Variants in FAM193A observed in about 807,000 individuals in gnomAD.
FAM193A encodes the protein family with sequence similarity 193 member A, also known as protein FAM193A.
FAM193A carries 22 observed loss-of-function variants against 126.5 expected under a neutral mutation model. The observed-to-expected ratio is 0.17, with a 90% CI of 0.12 to 0.25. The LOEUF (loss-of-function observed/expected upper bound fraction) is 0.25. FAM193A is among the 10% of genes least tolerant of loss of function. FAM193A has a pLI of 1.00. For synonymous variants in FAM193A, 761 were observed against 646.8 expected (o/e 1.18, Z -2.68); for missense variants, 1,675 against 1,672.8 (o/e 1.00, Z -0.02).
chr4:2,677,448 T>G (rs1714542556), intron 13 of FAM193A, among the ~76,000 whole-genome samples: 1 of 151,856 alleles, frequency 6.6e-6, no homozygotes, highest in Admixed American at 6.6e-5. Context: ...TTTGTAGAGA[T>G]TGTTTGGGTT....
chr4:2,708,633 T>C (rs941232173), intron 19 of FAM193A, among the ~76,000 whole-genome samples: 2 of 152,002 alleles, frequency 1.3e-5, no homozygotes, highest in Admixed American at 6.6e-5. Context: ...CAGCTAGTTT[T>C]TGTATTTTTG....
At chr4:2,638,086 GT>G (rs1187591565) in intron 5 of FAM193A, among the ~76,000 whole-genome samples, 1 of 152,220 alleles carries the variant, frequency 6.6e-6, no homozygotes, top group African/African-American at 2.4e-5. Context: ...TATCCCAGAG[GT>G]TTCCAAGGGA....
In FAM193A at chr4:2,635,880, ATC is replaced by A. The variant is rs1247655293; in HGVS notation, c.1039-3849_1039-3848del. ...GAGTGGGTCACTCACACCTCTCCAGATCTCTCTGTAAAAGCAGTGGGAGTCTC... is the reference window on the plus strand; with the variant it reads ...GAGTGGGTCACTCACACCTCTCCAGATCTCTGTAAAAGCAGTGGGAGTCTC... On this transcript the variant is annotated intron_variant, in intron 5 of 20. Coordinates refer to ENST00000637812, the MANE Select transcript of FAM193A (RefSeq NM_001366318.2). 1.2e-4 allele frequency among the ~76,000 whole-genome samples: 18 copies of A among 152,234 alleles called. No individual in the cohort carries two copies. The East Asian group carries it at 3.3e-3, about 28-fold the overall frequency.
chr4:2,554,565 A>G (rs374788779), intron 1 of FAM193A, among the ~76,000 whole-genome samples: 10 of 152,290 alleles, frequency 6.6e-5, no homozygotes, highest in East Asian at 3.9e-4. Flanking sequence ...CTGAATGTCA[A>G]TTAGATCCAG....
intron 1 of FAM193A, among the ~76,000 whole-genome samples, chr4:2,582,609 C>T (rs796463054): frequency 3.9e-5 from 6 of 152,122 alleles, no homozygotes; most frequent in Admixed American, 2.6e-4. Context: ...TGTTTTTTAA[C>T]GTTCTCTGTG....
intron 1 of FAM193A, among the ~76,000 whole-genome samples, chr4:2,590,719 T>C (rs1740521655): frequency 6.6e-6 from 1 of 151,568 alleles, no homozygotes; most frequent in African/African-American, 2.4e-5. Context: ...AATGAATATA[T>C]GATAGTCTAT....
At chr4:2,653,975 C>A in intron 7 of FAM193A, among the ~76,000 whole-genome samples, 1 of 152,178 alleles carries the variant, frequency 6.6e-6, no homozygotes, top group East Asian at 1.9e-4. Context: ...CTATGTTCCC[C>A]TGAAGGCTTT....
intron 1 of FAM193A, among the ~76,000 whole-genome samples, chr4:2,559,644 TTTCTC>T (rs1345368815): frequency 6.6e-6 from 1 of 152,162 alleles, no homozygotes; most frequent in Non-Finnish European, 1.5e-5. Context: ...TCTACTGCAT[TTTCTC>T]TTCTCTGTGA....
rs181324448 is a variant in FAM193A at position 2,630,229 on chromosome 4, A to G, written c.804-706A>G. On this transcript the variant is annotated intron_variant, in intron 4 of 20. Coordinates refer to ENST00000637812, the MANE Select transcript of FAM193A (RefSeq NM_001366318.2). ...TGAAATTCATGAAAATGCTCATTGC[A>G]TTTGTGGCTTAGTCATGTTGCATGT... Among the ~76,000 whole-genome samples the G allele has an allele frequency of 2.8e-4, 42 of 151,514 alleles. 1 individual carries two copies. The highest frequency in any genetic ancestry group is 1.0e-3 in the African/African-American group (42 of 41,278).
chr4:2,616,037 G>A (rs941061413), intron 2 of FAM193A, among the ~76,000 whole-genome samples: 2 of 152,068 alleles, frequency 1.3e-5, no homozygotes, highest in African/African-American at 2.4e-5. Flanking sequence ...CTGAGCTTGC[G>A]CAATCCGCCC....
intron 1 of FAM193A, among the ~76,000 whole-genome samples, chr4:2,561,023 C>T (rs1738580094): frequency 6.6e-6 from 1 of 152,228 alleles, no homozygotes; most frequent in Admixed American, 6.5e-5. Context: ...CTGTGCATGG[C>T]ACCATGCCAT....
chr4:2,731,140 G>A (rs1721329468), intron 20 of FAM193A, among the ~76,000 whole-genome samples: 1 of 145,048 alleles, frequency 6.9e-6, no homozygotes, highest in African/African-American at 2.6e-5. Context: ...AGGCTTCAGT[G>A]AGCTGAGATT....
chr4:2,711,408 C>T (rs1248102629), intron 19 of FAM193A, among the ~76,000 whole-genome samples: 2 of 151,226 alleles, frequency 1.3e-5, no homozygotes, highest in African/African-American at 2.4e-5. Flanking sequence ...GGCATGATCT[C>T]GGCTCACTGC....
At chr4:2,546,031 A>C (rs1302971974) in intron 1 of FAM193A, among the ~76,000 whole-genome samples, 5 of 151,988 alleles carry the variant, frequency 3.3e-5, no homozygotes, top group Non-Finnish European at 7.4e-5. Flanking sequence ...GCCTGTAATC[A>C]TAGCTACTCG....
chr4:2,541,632 G>A (rs1445020729), intron 1 of FAM193A, among the ~76,000 whole-genome samples: 1 of 151,576 alleles, frequency 6.6e-6, no homozygotes, highest in Non-Finnish European at 1.5e-5. Context: ...TTTTAGTAGA[G>A]ACAGGGTTTC....
chr4:2,547,630 ATT>A (rs1313470026), intron 1 of FAM193A, among the ~76,000 whole-genome samples: 2 of 132,470 alleles, frequency 1.5e-5, no homozygotes, highest in Admixed American at 7.4e-5. Flanking sequence ...GTGTGTATGT[ATT>A]TTTTTTTTTT....
chr4:2,565,586 A>AT (rs1250383875), intron 1 of FAM193A, among the ~76,000 whole-genome samples: 3 of 152,054 alleles, frequency 2.0e-5, no homozygotes, highest in Non-Finnish European at 2.9e-5. Context: ...AAAAAAAAAA[A>AT]TTCATGTAGT....
At chr4:2,730,630 C>T (rs1251259018) in intron 20 of FAM193A, among the ~76,000 whole-genome samples, 1 of 151,072 alleles carries the variant, frequency 6.6e-6, no homozygotes, top group East Asian at 1.9e-4. Context: ...GCGAAGGTTG[C>T]AGTGAACCGA....
chr4:2,660,244 G>GA (rs796553830), intron 10 of FAM193A, among the ~76,000 whole-genome samples, 190 bp downstream of exon 10: 109 of 147,112 alleles, frequency 7.4e-4, no homozygotes, highest in Admixed American at 2.8e-3. Flanking sequence ...GTTTATCTGG[G>GA]AAAAAAAAAA....
Sources: allele counts gnomAD v4.1 joint callset (sites outside exome capture counted in the v4.1 genomes callset), GRCh38; gene constraint gnomAD v4.1.1; transcripts MANE v1.5; gene names NCBI Gene and HGNC (gene_info 2026-07-23, HGNC 2026-07-21).